The following PTPRE variants were observed in gnomAD, a reference collection of about 807,000 sequenced individuals.
The protein encoded by PTPRE is protein tyrosine phosphatase receptor type E.
PTPRE carries 51 observed loss-of-function variants against 102.0 expected under a neutral mutation model. The ratio of observed to expected loss-of-function variants is 0.50; its 90% CI spans 0.40 to 0.63. The LOEUF (loss-of-function observed/expected upper bound fraction) is 0.63. PTPRE is among the 30% of genes least tolerant of loss of function. PTPRE has a pLI of 0.00. For synonymous variants in PTPRE, 345 were observed against 348.2 expected, an observed-to-expected ratio of 0.99 and a Z score of 0.10; for missense variants, 752 against 915.1, an observed-to-expected ratio of 0.82 and a Z score of 2.30.
Position 127,977,956 on chromosome 10 carries a change from C to T in PTPRE, c.-30-4318C>T, listed in dbSNP as rs1443231339. Among the ~76,000 whole-genome samples the T allele has an allele frequency of 2.0e-5, 3 of 152,334 alleles. No homozygotes were observed. The South Asian group carries it at 6.2e-4, about 32-fold the overall frequency. ...TCACCAGCCAAAGCTCCAGCCAAAGCTCCAACTCTGTGGCCAGGCTGGTCC... is the reference window on the plus strand; with the variant it reads ...TCACCAGCCAAAGCTCCAGCCAAAGTTCCAACTCTGTGGCCAGGCTGGTCC... On this transcript the variant is annotated intron_variant, in intron 1 of 20. Coordinates refer to ENST00000254667, the MANE Select transcript of PTPRE (RefSeq NM_006504.6).
intron 2 of PTPRE, among the ~76,000 whole-genome samples, chr10:128,029,741 A>G (rs958585302): frequency 2.0e-5 from 3 of 152,234 alleles, no homozygotes; most frequent in Admixed American, 2.0e-4. Flanking sequence ...CATGTGTCCA[A>G]GTTGAGCTGA....
At chr10:128,014,030 G>A (rs1845230411) in intron 2 of PTPRE, among the ~76,000 whole-genome samples, 1 of 152,190 alleles carries the variant, frequency 6.6e-6, no homozygotes, top group Non-Finnish European at 1.5e-5. Flanking sequence ...CTCTTGAAGT[G>A]TGCCTCAGGC....
In PTPRE at chr10:128,028,261, C is replaced by T. The variant is rs1417496340; in HGVS notation, c.-7-12614C>T. On this transcript the variant is annotated intron_variant, in intron 2 of 20. Transcript: ENST00000254667. This position sits in a 1 kb window ranked among gnomAD's most constrained non-coding sequence, Gnocchi z 4.5. ...AATTAAATATGGGATCCGGATCACC[C>T]TGCGCCTGTCTCCTCCCCAGTCCTT... Among the ~76,000 whole-genome samples the T allele has an allele frequency of 6.6e-6, 1 of 152,176 alleles. No individual in the cohort carries two copies.
At chr10:127,915,545 G>C (rs1846145257) in intron 1 of PTPRE, among the ~76,000 whole-genome samples, 1 of 152,174 alleles carries the variant, frequency 6.6e-6, no homozygotes, top group Admixed American at 6.5e-5. Flanking sequence ...TCATCTACTG[G>C]AGATGTTATC....
chr10:128,001,687 G>A (rs183346418), intron 2 of PTPRE, among the ~76,000 whole-genome samples: 33 of 152,280 alleles, frequency 2.2e-4, no homozygotes, highest in Admixed American at 5.2e-4. Context: ...TTATGCCCTC[G>A]CTTTTCTGAC....
In PTPRE at chr10:128,040,143, G is replaced by A. The variant is rs547491993; in HGVS notation, c.-7-732G>A. Among the ~76,000 whole-genome samples the A allele has an allele frequency of 5.3e-5, 8 of 152,256 alleles. 1 individual carries two copies. The highest frequency in any genetic ancestry group is 2.0e-4 in the Admixed American group (3 of 15,290). Reference sequence around the variant, plus strand: ...ATGAGTGGACCGTGGCTCCATCCTCGCAGAGGCAGCTTACCTCCACTTCAC... The same window carrying A: ...ATGAGTGGACCGTGGCTCCATCCTCACAGAGGCAGCTTACCTCCACTTCAC... On this transcript the variant is annotated intron_variant, in intron 2 of 20. Coordinates refer to ENST00000254667, the MANE Select transcript of PTPRE (RefSeq NM_006504.6).
chr10:127,935,863 A>C (rs1178160706), intron 1 of PTPRE: 1 of 152,214 alleles, frequency 6.6e-6, no homozygotes, highest in African/African-American at 2.4e-5. Flanking sequence ...CATTTAGACT[A>C]CGCCTCAGAG....
intron 1 of PTPRE, among the ~76,000 whole-genome samples, chr10:127,927,197 G>A (rs1202070026): frequency 6.6e-6 from 1 of 152,020 alleles, no homozygotes; most frequent in Non-Finnish European, 1.5e-5. Flanking sequence ...CCACCCCCCC[G>A]GGGGTTGGGT....
chr10:127,948,310 C>T (rs1363146010), intron 1 of PTPRE, among the ~76,000 whole-genome samples: 1 of 152,066 alleles, frequency 6.6e-6, no homozygotes, highest in Non-Finnish European at 1.5e-5. Context: ...TTCCCATATG[C>T]CCCTTAACCC....
intron 10 of PTPRE, among the ~76,000 whole-genome samples, 161 bp downstream of exon 10, chr10:128,063,341 C>T (rs763811926): frequency 2.0e-5 from 3 of 152,208 alleles, no homozygotes; most frequent in African/African-American, 4.8e-5. Flanking sequence ...ATTTTCTTCA[C>T]GAAACAAATC....
chr10:127,990,425 A>G (rs1272697510), intron 2 of PTPRE, among the ~76,000 whole-genome samples: 2 of 151,700 alleles, frequency 1.3e-5, no homozygotes, highest in Non-Finnish European at 2.9e-5. Context: ...AAAAAAAAAA[A>G]AAAAAAAAGA....
At position 127,907,147 on chromosome 10, in the gene PTPRE, G is replaced by C; in HGVS notation, c.-193G>C. On this transcript the variant is annotated 5_prime_UTR_variant, in exon 1 of 21. Transcript: ENST00000254667. This position sits in a 1 kb window ranked among gnomAD's most constrained non-coding sequence, Gnocchi z 4.8. ...CTGCGGACAGCGGGCGGCAGGAGCCGGCGCGAGCGGCTTCAGGAACCCACG... is the reference window on the plus strand; with the variant it reads ...CTGCGGACAGCGGGCGGCAGGAGCCCGCGCGAGCGGCTTCAGGAACCCACG... 1.9e-6 allele frequency: 1 copy of C among 538,904 alleles called. No homozygotes were observed. The highest frequency in any genetic ancestry group is 2.4e-6 in the Non-Finnish European group (1 of 422,520). The allele number at this position is 538,904 out of a possible 1,614,324, so 33.4% of individuals were successfully genotyped here.
In PTPRE at chr10:128,068,208, C is replaced by A. The variant is rs566201147; in HGVS notation, c.929C>A (p.Pro310His). 6.2e-7 allele frequency: 1 copy of A among 1,614,170 alleles called. No homozygotes were observed. The highest frequency in any genetic ancestry group is 1.7e-5 in the Admixed American group (1 of 60,024). The part of the protein sequence containing the change: ...SWPDFGVPFT[P>H]IGMLKFLKKV... ...CCCGACTTCGGAGTGCCTTTTACCCCCATTGGGATGCTGAAGTTCCTCAAG... is the reference window on the plus strand; with the variant it reads ...CCCGACTTCGGAGTGCCTTTTACCCACATTGGGATGCTGAAGTTCCTCAAG... Residue 310 changes from proline to histidine, a missense_variant, in exon 12 of 21, where the codon CCC becomes CAC. Physicochemically the swap from Pro to His is moderately conservative, Grantham distance 77. This residue lies in a region of PTPRE where 636 missense variants were observed against 824.4 expected (regional missense o/e 0.77). Transcript: ENST00000254667.
chr10:128,019,331 C>T (rs1383370636), intron 2 of PTPRE, among the ~76,000 whole-genome samples: 3 of 152,198 alleles, frequency 2.0e-5, no homozygotes, highest in African/African-American at 4.8e-5. Flanking sequence ...CAAGAAAACG[C>T]GGGTGGATCG....
At chr10:127,910,929 A>G (rs1019472188) in intron 1 of PTPRE, among the ~76,000 whole-genome samples, 1 of 152,132 alleles carries the variant, frequency 6.6e-6, no homozygotes, top group Non-Finnish European at 1.5e-5. Context: ...AAAACACAAA[A>G]AAATTAGATG....
chr10:128,047,479 T>G lies in PTPRE; in HGVS notation c.199T>G (p.Tyr67Asp). 6.2e-7 allele frequency: 1 copy of G among 1,613,430 alleles called. No homozygotes were observed. The highest frequency in any genetic ancestry group is 1.1e-5 in the South Asian group (1 of 91,062). ...CCTCCTCGTGCTCCTTCTCGCCGCC[T>G]ACTTCTTCAGGTAGGAGTGTCCCGG... is the stretch of plus-strand genomic sequence containing the variant. ...LLLLVLLLAA[Y>D]FFRFRKQRKA... The change falls in exon 4 of 21, where the codon TAC becomes GAC. Residue 67 changes from tyrosine to aspartate, a missense_variant. Tyr to Asp is a radical substitution (Grantham distance 160). Transcript: ENST00000254667.
intron 1 of PTPRE, among the ~76,000 whole-genome samples, chr10:127,931,313 A>C (rs774705455): frequency 6.6e-6 from 1 of 152,188 alleles, no homozygotes; most frequent in Non-Finnish European, 1.5e-5. Flanking sequence ...TATTGTATGC[A>C]ATTAAAAGCA....
At chr10:128,049,778 T>C in intron 6 of PTPRE, 112 bp downstream of exon 6, 1 of 1,479,156 alleles carries the variant, frequency 6.8e-7, no homozygotes, top group Non-Finnish European at 9.2e-7. Context: ...GCATCAGTTA[T>C]GACACTGTCC....
intron 1 of PTPRE, among the ~76,000 whole-genome samples, chr10:127,967,199 T>C (rs772839122): frequency 5.3e-5 from 8 of 152,234 alleles, no homozygotes; most frequent in Non-Finnish European, 1.0e-4. Context: ...ATTAAATTAA[T>C]GAATTTGTTT....
Sources: allele counts gnomAD v4.1 joint callset (sites outside exome capture counted in the v4.1 genomes callset), GRCh38; gene constraint gnomAD v4.1.1; regional missense constraint gnomAD v4.1.1; non-coding constraint Gnocchi (gnomAD v3.1); transcripts MANE v1.5; gene names NCBI Gene and HGNC (gene_info 2026-07-23, HGNC 2026-07-21).